PACRG: variants seen among roughly 807,000 people sequenced by gnomAD.
PACRG encodes the protein parkin coregulated gene protein.
PACRG carries 29 observed loss-of-function variants against 29.7 expected under a neutral mutation model. The observed-to-expected ratio is 0.98, with a 90% CI of 0.73 to 1.33. The LOEUF is 1.33. Ranked by LOEUF, PACRG falls within the 40% of genes most tolerant of loss-of-function variation. The probability of loss-of-function intolerance (pLI) is 0.00; values close to 1 mark genes in which losing one functional copy is unlikely to be tolerated. For synonymous variants in PACRG, 116 were observed against 118.7 expected (o/e 0.98, Z 0.15); for missense variants, 279 against 316.2 (o/e 0.88, Z 0.89).
chr6:162,849,826 CAGTA>C (rs1461472485), intron 2 of PACRG, among the ~76,000 whole-genome samples: 11 of 152,176 alleles, frequency 7.2e-5, no homozygotes, highest in African/African-American at 2.7e-4. Context: ...TGCCATTTGA[CAGTA>C]AATAGTCGCT....
chr6:162,986,698 T>C (rs1484333856), intron 2 of PACRG, among the ~76,000 whole-genome samples: 1 of 152,032 alleles, frequency 6.6e-6, no homozygotes, highest in Non-Finnish European at 1.5e-5. Context: ...AACAAAAATA[T>C]GATAATTAGA....
chr6:162,917,216 A>C (rs553850351), intron 2 of PACRG, among the ~76,000 whole-genome samples: 106 of 152,216 alleles, frequency 7.0e-4, no homozygotes, highest in South Asian at 1.9e-3. Flanking sequence ...TTATACAGTG[A>C]GGTAATATGA....
At chr6:162,919,987 A>G (rs902489179) in intron 2 of PACRG, among the ~76,000 whole-genome samples, 21 of 152,170 alleles carry the variant, frequency 1.4e-4, no homozygotes, top group African/African-American at 4.6e-4. Context: ...CAGTAGGTCC[A>G]CTGACCCCCA....
chr6:162,761,194 A>G (rs1782329307), intron 1 of PACRG, among the ~76,000 whole-genome samples: 1 of 152,170 alleles, frequency 6.6e-6, no homozygotes, highest in African/African-American at 2.4e-5. Flanking sequence ...GTTTAACCCA[A>G]GCAAAGCCAT....
chr6:163,196,772 G>GAGAC (rs976396965), intron 4 of PACRG, among the ~76,000 whole-genome samples: 10 of 152,018 alleles, frequency 6.6e-5, no homozygotes, highest in Admixed American at 4.6e-4. Flanking sequence ...AAAGACTAGA[G>GAGAC]AGACAGACAG....
chr6:163,125,940 G>T (rs1816496922), intron 4 of PACRG, among the ~76,000 whole-genome samples: 1 of 152,144 alleles, frequency 6.6e-6, no homozygotes. Context: ...TTAGGAAAAA[G>T]GAGCACAGTT....
chr6:162,944,389 A>G (rs1002681158), intron 2 of PACRG, among the ~76,000 whole-genome samples: 5 of 152,196 alleles, frequency 3.3e-5, no homozygotes, highest in Non-Finnish European at 5.9e-5. Flanking sequence ...GCACATATCA[A>G]TGTAAGGACA....
At chr6:163,277,637 GTA>G (rs1416190353) in intron 4 of PACRG, among the ~76,000 whole-genome samples, 3 of 145,764 alleles carry the variant, frequency 2.1e-5, no homozygotes, top group East Asian at 2.0e-4. Flanking sequence ...ATACATACGT[GTA>G]TATATATGTA....
At chr6:163,123,007 G>C (rs1460231753) in intron 4 of PACRG, among the ~76,000 whole-genome samples, 1 of 152,172 alleles carries the variant, frequency 6.6e-6, no homozygotes, top group Non-Finnish European at 1.5e-5. Context: ...CCGTGGAGTG[G>C]TTTTAAGGAG....
chr6:162,907,398 G>T (rs1796007178), intron 2 of PACRG, among the ~76,000 whole-genome samples: 1 of 151,978 alleles, frequency 6.6e-6, no homozygotes, highest in South Asian at 2.1e-4. Context: ...TTTCAATTGG[G>T]CATTTCTAAT....
At chr6:162,782,278 T>TA (rs1321777022) in intron 1 of PACRG, among the ~76,000 whole-genome samples, 3 of 151,898 alleles carry the variant, frequency 2.0e-5, no homozygotes, top group Non-Finnish European at 4.4e-5. Flanking sequence ...TCCACAATGA[T>TA]AGAGATTTCA....
chr6:163,107,283 A>G (rs1005836562), intron 4 of PACRG, among the ~76,000 whole-genome samples: 1 of 152,218 alleles, frequency 6.6e-6, no homozygotes, highest in African/African-American at 2.4e-5. Flanking sequence ...AAGTAGAGCC[A>G]TTGATCTTAA....
At chr6:163,036,880 C>G (rs1324446789) in intron 2 of PACRG, among the ~76,000 whole-genome samples, 1 of 149,546 alleles carries the variant, frequency 6.7e-6, no homozygotes, top group Non-Finnish European at 1.5e-5. Context: ...ATCCATCCAT[C>G]CATCCATCCA....
chr6:162,782,211 G>T (rs1007373742), intron 1 of PACRG, among the ~76,000 whole-genome samples: 1 of 151,880 alleles, frequency 6.6e-6, no homozygotes, highest in African/African-American at 2.4e-5. Flanking sequence ...TCAAGAAGAT[G>T]TAACAATTCT....
chr6:163,269,959 G>C (rs865883597), intron 4 of PACRG, among the ~76,000 whole-genome samples: 1,022 of 57,578 alleles, frequency 0.018, 50 homozygotes, highest in African/African-American at 0.035. Context: ...AAGAAAGAAA[G>C]AAAGAAAGAA....
Position 162,947,615 on chromosome 6 carries a change from T to TATATATAATC in PACRG, c.292-114528_292-114527insATCATATATA, listed in dbSNP as rs1316072758. On this transcript the variant is annotated intron_variant, in intron 2 of 4. Transcript: ENST00000366888. ...ATAATCATATATATATATAATCATA[T>TATATATAATC]ATATATATATATATATATATATATA... Among the ~76,000 whole-genome samples, 76 of 22,486 alleles carry TATATATAATC rather than the reference T, an allele frequency of 3.4e-3. 1 individual carries two copies. Among genetic ancestry groups the TATATATAATC allele is most frequent in the Middle Eastern group, 0.045 (1 of 22 alleles). 14.8% of individuals were successfully genotyped at this position (22,486 alleles called of 152,430 possible). A position where few individuals can be genotyped will look rare whatever the true frequency, so the allele number is the denominator to read the frequency against.
intron 4 of PACRG, among the ~76,000 whole-genome samples, chr6:163,302,989 GA>G (rs1453025267): frequency 2.0e-5 from 3 of 152,166 alleles, no homozygotes; most frequent in African/African-American, 7.2e-5. Context: ...CATCATTTTA[GA>G]AATGCGTTTC....
intron 2 of PACRG, among the ~76,000 whole-genome samples, chr6:162,827,657 C>T (rs945070359): frequency 1.3e-5 from 2 of 152,120 alleles, no homozygotes; most frequent in Admixed American, 1.3e-4. Flanking sequence ...TTCTTCTCAT[C>T]ACTTGATGTC....
intron 3 of PACRG, among the ~76,000 whole-genome samples, chr6:163,080,830 A>G (rs905605755): frequency 8.5e-5 from 13 of 152,310 alleles, no homozygotes; most frequent in African/African-American, 2.9e-4. Context: ...TATGGTATTT[A>G]TATATTTTAC....
Sources: gnomAD v4.1 joint callset for allele counts (sites outside exome capture counted in the v4.1 genomes callset) on GRCh38, gnomAD v4.1.1 for gene constraint, MANE v1.5 for transcripts, NCBI Gene and HGNC (gene_info 2026-07-23, HGNC 2026-07-21) for gene names.